The following TGFBR3 variants were observed in gnomAD, a reference collection of about 807,000 sequenced individuals.
TGFBR3 encodes transforming growth factor beta receptor type 3.
In TGFBR3, 46 loss-of-function variants were observed where a neutral mutation model predicts 87.9. The observed-to-expected ratio is 0.52, with a 90% CI of 0.41 to 0.67. The LOEUF is 0.67. Ranked by LOEUF, TGFBR3 falls within the 30% of genes least tolerant of loss-of-function variation. The pLI is 0.00. For synonymous variants in TGFBR3, 381 were observed against 391.6 expected (o/e 0.97, Z 0.32); for missense variants, 866 against 1,041.9 (o/e 0.83, Z 2.32).
chr1:91,875,390 T>C (rs1031219909), intron 1 of TGFBR3, among the ~76,000 whole-genome samples: 1 of 152,034 alleles, frequency 6.6e-6, no homozygotes, highest in African/African-American at 2.4e-5. Flanking sequence ...CAGAAAAATC[T>C]ACAGAACAAC....
In TGFBR3 at chr1:91,712,349, C is replaced by T. The variant is rs1230243531; in HGVS notation, c.2060G>A (p.Arg687Gln). 12 of 1,614,078 alleles carry T rather than the reference C, an allele frequency of 7.4e-6. No homozygotes were observed. The highest frequency in any genetic ancestry group is 4.5e-5 in the East Asian group (2 of 44,888). The change falls in exon 13 of 17, where the codon CGA becomes CAA. Residue 687 changes from arginine to glutamine, a missense_variant. By Grantham distance (43) the Arg-to-Gln change is conservative (BLOSUM62 1). Coordinates refer to ENST00000212355, the MANE Select transcript of TGFBR3 (RefSeq NM_003243.5). Reference sequence around the variant, plus strand: ...GACAGGCTTGAAGACAAAGCTGAATCGCTTCTTATCCATGTCAGCTTGCGG... The same window carrying T: ...GACAGGCTTGAAGACAAAGCTGAATTGCTTCTTATCCATGTCAGCTTGCGG... ...PIPQADMDKK[R>Q]FSFVFKPVFN...
At chr1:91,872,552 C>T (rs887230696) in intron 1 of TGFBR3, among the ~76,000 whole-genome samples, 26 of 152,322 alleles carry the variant, frequency 1.7e-4, no homozygotes, top group Admixed American at 6.5e-4. Context: ...GCCTAAAAGT[C>T]TCAAGACTGA....
intron 2 of TGFBR3, 129 bp downstream of exon 2, chr1:91,861,342 G>C: frequency 1.3e-6 from 1 of 741,448 alleles, no homozygotes; most frequent in Non-Finnish European, 2.4e-6. Context: ...AGAGCCTACA[G>C]TAAGCCATGA....
intron 12 of TGFBR3, among the ~76,000 whole-genome samples, chr1:91,713,935 G>A (rs1050573230): frequency 2.0e-5 from 3 of 151,776 alleles, no homozygotes; most frequent in African/African-American, 7.3e-5. Context: ...AGTATGTAGC[G>A]GCAGAATGTC....
intron 2 of TGFBR3, among the ~76,000 whole-genome samples, chr1:91,840,007 T>C (rs1677207955): frequency 6.6e-6 from 1 of 151,924 alleles, no homozygotes; most frequent in Admixed American, 6.6e-5. Context: ...AAATAAAAAG[T>C]TTTTAAAAAT....
At chr1:91,865,459 A>G (rs1678359309) in intron 1 of TGFBR3, among the ~76,000 whole-genome samples, 1 of 152,160 alleles carries the variant, frequency 6.6e-6, no homozygotes, top group Admixed American at 6.5e-5. Flanking sequence ...TTATTTAAAA[A>G]AAAAGTAGAA....
At chr1:91,845,452 C>T (rs986422616) in intron 2 of TGFBR3, among the ~76,000 whole-genome samples, 1 of 152,154 alleles carries the variant, frequency 6.6e-6, no homozygotes, top group East Asian at 1.9e-4. Flanking sequence ...AAATATCCTT[C>T]TATACTTTGA....
chr1:91,806,423 C>T (rs1331152574), intron 2 of TGFBR3, among the ~76,000 whole-genome samples: 1 of 151,998 alleles, frequency 6.6e-6, no homozygotes, highest in Non-Finnish European at 1.5e-5. Flanking sequence ...TTAATCAGTG[C>T]CAAAAGAAAT....
chr1:91,875,910 CAA>C (rs34185299), intron 1 of TGFBR3, among the ~76,000 whole-genome samples: 5 of 64,164 alleles, frequency 7.8e-5, no homozygotes, highest in Non-Finnish European at 1.3e-4. Context: ...GACTCCGTCT[CAA>C]AAAAAAAAAA....
chr1:91,693,906 ATTCTGTCT>A (rs1348658299), intron 16 of TGFBR3, among the ~76,000 whole-genome samples: 3 of 152,220 alleles, frequency 2.0e-5, no homozygotes. Flanking sequence ...GCTCTGCTAA[ATTCTGTCT>A]TTCTGGTCCT....
At chr1:91,864,970 A>G (rs1269251233) in intron 1 of TGFBR3, among the ~76,000 whole-genome samples, 1 of 152,138 alleles carries the variant, frequency 6.6e-6, no homozygotes, top group Non-Finnish European at 1.5e-5. Context: ...TGGGAGGCCG[A>G]GCTGGGCAGA....
intron 3 of TGFBR3, among the ~76,000 whole-genome samples, chr1:91,759,340 C>T (rs1424704706): frequency 8.5e-6 from 1 of 117,202 alleles, no homozygotes; most frequent in Non-Finnish European, 1.6e-5. Flanking sequence ...AAATGAAGCA[C>T]AGAGGACACA....
intron 1 of TGFBR3, among the ~76,000 whole-genome samples, chr1:91,867,452 C>A (rs1173374678): frequency 6.6e-6 from 1 of 152,188 alleles, no homozygotes; most frequent in Non-Finnish European, 1.5e-5. Context: ...CCCCAGCAGC[C>A]TTGGTTTCCT....
intron 4 of TGFBR3, among the ~76,000 whole-genome samples, chr1:91,757,297 A>T (rs1673779232): frequency 6.6e-6 from 1 of 152,250 alleles, no homozygotes; most frequent in Non-Finnish European, 1.5e-5. Context: ...AAATACCACA[A>T]AAGTGATGCT....
chr1:91,699,431 C>CTTTTTTTTTTTTTTT lies in TGFBR3; in HGVS notation c.2288-1316_2288-1302dup, dbSNP rs60223260. Among the ~76,000 whole-genome samples, 110 of 80,832 alleles carry CTTTTTTTTTTTTTTT rather than the reference C, an allele frequency of 1.4e-3. 2 individuals are homozygous for CTTTTTTTTTTTTTTT. The highest frequency in any genetic ancestry group is 1.8e-3 in the African/African-American group (36 of 19,786). 53.0% of individuals were successfully genotyped at this position (80,832 alleles called of 152,430 possible). On this transcript the variant is annotated intron_variant, in intron 14 of 16. Coordinates refer to ENST00000212355, the MANE Select transcript of TGFBR3 (RefSeq NM_003243.5). ...TCTCTCTCTTTTTCTCTTTCTTTTG[C>CTTTTTTTTTTTTTTT]TTTTTTTTTTTTTTTTTTTTTTTGC...
intron 4 of TGFBR3, among the ~76,000 whole-genome samples, chr1:91,757,698 CTTACA>C (rs1673796616): frequency 6.6e-6 from 1 of 152,114 alleles, no homozygotes; most frequent in Non-Finnish European, 1.5e-5. Context: ...ACTATGGATT[CTTACA>C]TTATTCAACA....
At chr1:91,766,196 T>TCC (rs1674176328) in intron 3 of TGFBR3, among the ~76,000 whole-genome samples, 1 of 105,182 alleles carries the variant, frequency 9.5e-6, no homozygotes, top group African/African-American at 3.7e-5. Flanking sequence ...TAAGTTTGTT[T>TCC]TCTTTTTTTT....
At chr1:91,701,921 T>C (rs1009148694) in intron 14 of TGFBR3, among the ~76,000 whole-genome samples, 3 of 152,210 alleles carry the variant, frequency 2.0e-5, no homozygotes, top group Non-Finnish European at 2.9e-5. Flanking sequence ...TCAATATTTA[T>C]GATATTCATT....
At chr1:91,889,652 A>T (rs971010116), upstream of TGFBR3, among the ~76,000 whole-genome samples, 1 of 152,076 alleles carries the variant, frequency 6.6e-6, no homozygotes, top group Admixed American at 6.6e-5. Context: ...CTCTATAAAA[A>T]AGGGTTCCCC....
Sources: gnomAD v4.1 joint callset for allele counts (sites outside exome capture counted in the v4.1 genomes callset) on GRCh38, gnomAD v4.1.1 for gene constraint, MANE v1.5 for transcripts, NCBI Gene and HGNC (gene_info 2026-07-23, HGNC 2026-07-21) for gene names.